Variants in CTNND2 observed in about 807,000 individuals in gnomAD.
CTNND2 encodes the protein catenin delta 2, also known as catenin delta-2.
CTNND2 carries 22 observed loss-of-function variants against 144.4 expected under a neutral mutation model. The ratio of observed to expected loss-of-function variants is 0.15; its 90% confidence interval spans 0.11 to 0.22. CTNND2 has a LOEUF of 0.22. CTNND2 is among the 10% of genes least tolerant of loss of function. CTNND2 has a pLI of 1.00. For missense variants in CTNND2, 1,353 were observed against 1,618.8 expected (o/e 0.84, Z 2.82); for synonymous variants, 751 against 695.6 (o/e 1.08, Z -1.25).
intron 12 of CTNND2, among the ~76,000 whole-genome samples, chr5:11,139,581 T>A (rs999124342): frequency 1.1e-4 from 16 of 152,226 alleles, no homozygotes; most frequent in Admixed American, 6.5e-4. Flanking sequence ...TCTCTCTGTT[T>A]GCTGCTAGAC....
chr5:11,453,829 A>G (rs1765493441), intron 3 of CTNND2, among the ~76,000 whole-genome samples: 2 of 151,846 alleles, frequency 1.3e-5, no homozygotes, highest in Non-Finnish European at 2.9e-5. Context: ...AACTTATTCT[A>G]TTAGTTTCTC....
intron 3 of CTNND2, among the ~76,000 whole-genome samples, chr5:11,548,781 T>C (rs1775493192): frequency 6.6e-6 from 1 of 152,198 alleles, no homozygotes; most frequent in Non-Finnish European, 1.5e-5. Flanking sequence ...AATTCCCTTA[T>C]TTTGTAGTTG....
intron 2 of CTNND2, among the ~76,000 whole-genome samples, chr5:11,648,469 C>T (rs1034604928): frequency 6.6e-6 from 1 of 152,142 alleles, no homozygotes; most frequent in Non-Finnish European, 1.5e-5. Context: ...GAGGAATCTA[C>T]AGACCCACTT....
chr5:11,397,188 G>T lies in CTNND2; in HGVS notation c.455C>A (p.Ser152Tyr). The T allele has an allele frequency of 6.2e-7, 1 of 1,614,154 alleles. No individual in the cohort carries two copies. Among genetic ancestry groups the T allele is most frequent in the Non-Finnish European group, 8.5e-7 (1 of 1,179,982 alleles). ...YSTGERPSLL[S>Y]QSALQLNSKP... ...GGAATTGAGCTGAAGTGCACTCTGG[G>T]AGAGCAGGCTGGGCCCTGCATTGAA... The change falls in exon 6 of 22, where the codon TCC becomes TAC. Residue 152 changes from serine (S) to tyrosine (Y), a missense_variant. Physicochemically the swap from Ser to Tyr is moderately radical, Grantham distance 144. This residue lies in a region of CTNND2 where 708 missense variants were observed against 706.4 expected (regional missense o/e 1.00). Coordinates refer to ENST00000304623, the MANE Select transcript of CTNND2 (RefSeq NM_001332.4).
intron 1 of CTNND2, among the ~76,000 whole-genome samples, chr5:11,827,092 T>C (rs1793644440): frequency 6.6e-6 from 1 of 152,024 alleles, no homozygotes; most frequent in Admixed American, 6.5e-5. Flanking sequence ...CAAATATCAA[T>C]AAATTTACCA....
chr5:11,335,524 T>C (rs1235039519), intron 9 of CTNND2, among the ~76,000 whole-genome samples: 1 of 152,078 alleles, frequency 6.6e-6, no homozygotes, highest in African/African-American at 2.4e-5. Flanking sequence ...GTAGAATAAA[T>C]AAGGACTTTG....
rs532874554 is a variant in CTNND2, at chr5:11,662,159, G to GTA, written c.174+69975_174+69976dup. On this transcript the variant is annotated intron_variant, in intron 2 of 21. Coordinates refer to ENST00000304623, the MANE Select transcript of CTNND2 (RefSeq NM_001332.4). The stretch of plus-strand genomic sequence containing the variant: ...TATGTATATATACACATATATATGT[G>GTA]TATATATGTGTATATATACATATAT... Among the ~76,000 whole-genome samples the GTA allele has an allele frequency of 4.2e-3, 571 of 137,574 alleles. 6 individuals carry two copies. Among genetic ancestry groups the GTA allele is most frequent in the African/African-American group, 0.015 (541 of 35,092 alleles). 90.3% of individuals were successfully genotyped at this position (137,574 alleles called of 152,430 possible).
rs769661830 is a variant in CTNND2, at chr5:11,384,951, G to A, written c.891C>T (p.Gly297=). The A allele has an allele frequency of 1.9e-6, 3 of 1,574,680 alleles. No individual in the cohort carries two copies. Among genetic ancestry groups the A allele is most frequent in the Non-Finnish European group, 2.6e-6 (3 of 1,164,036 alleles). ...PEGATYAAPR[G]SSPKQSPSRL... ...GGCTGGGCGACTGCTTGGGCGAGGAGCCGCGCGGCGCGGCGTAGGTGGCGC... is the reference window on the plus strand; with the variant it reads ...GGCTGGGCGACTGCTTGGGCGAGGAACCGCGCGGCGCGGCGTAGGTGGCGC... Residue 297 remains glycine (G), a synonymous_variant, in exon 7 of 22, where the codon GGC becomes GGT. Transcript: ENST00000304623. This position sits in a 1 kb window ranked among gnomAD's most constrained non-coding sequence, Gnocchi z 5.2.
At chr5:11,720,434 C>T (rs938496942) in intron 2 of CTNND2, among the ~76,000 whole-genome samples, 2 of 152,144 alleles carry the variant, frequency 1.3e-5, no homozygotes, top group African/African-American at 2.4e-5. Flanking sequence ...TAAATTTTGA[C>T]GCTTTATCCT....
intron 9 of CTNND2, among the ~76,000 whole-genome samples, chr5:11,240,180 TCA>T (rs1311040756): frequency 6.5e-5 from 3 of 46,318 alleles, no homozygotes; most frequent in East Asian, 6.5e-4. Flanking sequence ...ACACACACAC[TCA>T]CACACCCAAC....
intron 1 of CTNND2, among the ~76,000 whole-genome samples, chr5:11,774,560 T>TAAAAAAAAAA (rs1561785355): frequency 2.7e-5 from 1 of 37,552 alleles, no homozygotes. Context: ...TAAAAAAAAA[T>TAAAAAAAAAA]TAAAAAAAAA....
At chr5:11,430,330 T>A (rs1581177476) in intron 3 of CTNND2, among the ~76,000 whole-genome samples, 2 of 125,138 alleles carry the variant, frequency 1.6e-5, no homozygotes, top group Admixed American at 8.8e-5. Flanking sequence ...GAAAGGAGTA[T>A]AATGTTGGAA....
At chr5:11,275,062 A>G (rs1746391988) in intron 9 of CTNND2, among the ~76,000 whole-genome samples, 1 of 152,134 alleles carries the variant, frequency 6.6e-6, no homozygotes, top group African/African-American at 2.4e-5. Flanking sequence ...CTCCATAGAT[A>G]AACTTATGCA....
chr5:11,045,303 C>T (rs1745117842), intron 16 of CTNND2, among the ~76,000 whole-genome samples: 1 of 152,140 alleles, frequency 6.6e-6, no homozygotes, highest in South Asian at 2.1e-4. Flanking sequence ...AAAGCTTCCA[C>T]CCACAGCAGA....
chr5:11,321,495 G>C (rs1228736992), intron 9 of CTNND2, among the ~76,000 whole-genome samples: 1 of 152,144 alleles, frequency 6.6e-6, no homozygotes, highest in African/African-American at 2.4e-5. Context: ...CATCATGCCT[G>C]CACATATTGC....
chr5:11,805,061 G>A (rs991790736), intron 1 of CTNND2, among the ~76,000 whole-genome samples: 3 of 152,110 alleles, frequency 2.0e-5, no homozygotes, highest in Non-Finnish European at 2.9e-5. Flanking sequence ...ATGGGTTAAC[G>A]ACTGTGATCT....
At chr5:11,283,703 A>AG (rs1747414704) in intron 9 of CTNND2, among the ~76,000 whole-genome samples, 2 of 149,526 alleles carry the variant, frequency 1.3e-5, no homozygotes. Context: ...AAAAAAAAAA[A>AG]AAAGAGAGAG....
chr5:11,738,173 A>T (rs897563031), intron 1 of CTNND2, among the ~76,000 whole-genome samples: 5 of 152,182 alleles, frequency 3.3e-5, no homozygotes, highest in Admixed American at 3.3e-4. Flanking sequence ...CATTGCTTCA[A>T]ATCAGCATAC....
chr5:10,992,106 C>T (rs1233378584), intron 19 of CTNND2, among the ~76,000 whole-genome samples: 2 of 151,988 alleles, frequency 1.3e-5, no homozygotes, highest in African/African-American at 2.4e-5. Context: ...TTACTAGAGA[C>T]GGGGTTTCAC....
Sources: allele counts gnomAD v4.1 joint callset (sites outside exome capture counted in the v4.1 genomes callset), GRCh38; gene constraint gnomAD v4.1.1; regional missense constraint gnomAD v4.1.1; non-coding constraint Gnocchi (gnomAD v3.1); transcripts MANE v1.5; gene names NCBI Gene and HGNC (gene_info 2026-07-23, HGNC 2026-07-21).